DTD1: variants seen among roughly 807,000 people sequenced by gnomAD.
DTD1 encodes the protein D-aminoacyl-tRNA deacylase 1.
A neutral mutation model predicts 25.6 loss-of-function variants in DTD1; 13 were observed. The observed-to-expected ratio is 0.51, with a 90% confidence interval of 0.33 to 0.81. The LOEUF (loss-of-function observed/expected upper bound fraction) is 0.81, where lower values mean the gene tolerates loss of function less well. Among genes scored for constraint, DTD1 ranks in the 30% least tolerant of loss-of-function variants. The pLI is 0.02. For synonymous variants in DTD1, 110 were observed against 103.6 expected (o/e 1.06, Z -0.37); for missense variants, 193 against 266.4 (o/e 0.72, Z 1.92).
At chr20:18,740,156 T>G (rs1003483284) in intron 4 of DTD1, among the ~76,000 whole-genome samples, 2 of 152,118 alleles carry the variant, frequency 1.3e-5, no homozygotes, top group Non-Finnish European at 2.9e-5. Context: ...TAATTGGGGT[T>G]ACTCCCCATC....
At chr20:18,761,038 C>G (rs372658607) in intron 5 of DTD1, among the ~76,000 whole-genome samples, 3 of 152,144 alleles carry the variant, frequency 2.0e-5, no homozygotes, top group Non-Finnish European at 4.4e-5. Context: ...CAGAGCCATG[C>G]GCGGGATATA....
At chr20:18,668,562 C>T (rs2060940467) in intron 4 of DTD1, among the ~76,000 whole-genome samples, 1 of 152,142 alleles carries the variant, frequency 6.6e-6, no homozygotes, top group African/African-American at 2.4e-5. Flanking sequence ...TTGACCCACA[C>T]CTGTGGCAAG....
At chr20:18,728,781 G>C (rs1035451883) in intron 4 of DTD1, among the ~76,000 whole-genome samples, 2 of 152,186 alleles carry the variant, frequency 1.3e-5, no homozygotes, top group East Asian at 1.9e-4. Flanking sequence ...CCCTGCCTGG[G>C]TCCCCTGGGT....
intron 3 of DTD1, chr20:18,610,929 A>T (rs555045193): frequency 2.3e-4 from 18 of 77,960 alleles, no homozygotes; most frequent in African/African-American, 5.6e-4. Flanking sequence ...AACAAAAAAC[A>T]CCAGAATGTA....
Position 18,649,326 on chromosome 20 carries a change from C to CTTTTTTTTTTTTT in DTD1, c.477+21111_477+21123dup. Among the ~76,000 whole-genome samples, 308 of 57,648 alleles carry CTTTTTTTTTTTTT rather than the reference C, an allele frequency of 5.3e-3. 78 individuals are homozygous for CTTTTTTTTTTTTT. The highest frequency in any genetic ancestry group is 8.0e-3 in the East Asian group (12 of 1,504). 37.8% of individuals were successfully genotyped at this position (57,648 alleles called of 152,430 possible). A position where few individuals can be genotyped will look rare whatever the true frequency, so the allele number is the denominator to read the frequency against. On this transcript the variant is annotated intron_variant, in intron 4 of 5. Transcript: ENST00000377452. Reference sequence around the variant, plus strand: ...TGGGCTTTCTCAGCCATTCATCTTTCTTTTTTTTTTTTTTTTTTTTTTTTT... The same window carrying CTTTTTTTTTTTTT: ...TGGGCTTTCTCAGCCATTCATCTTTCTTTTTTTTTTTTTTTTTTTTTTTTTTTTTTTTTTTTTT...
chr20:18,705,668 G>A (rs888440326), intron 4 of DTD1, among the ~76,000 whole-genome samples: 2 of 152,098 alleles, frequency 1.3e-5, no homozygotes, highest in South Asian at 2.1e-4. Flanking sequence ...TGAGCTGGAC[G>A]GAAGTGATTC....
At chr20:18,758,943 GGATA>G (rs1305183610) in intron 5 of DTD1, among the ~76,000 whole-genome samples, 1 of 152,152 alleles carries the variant, frequency 6.6e-6, no homozygotes, top group African/African-American at 2.4e-5. Context: ...TATATATTTA[GGATA>G]GTTAGCTCTT....
intron 4 of DTD1, among the ~76,000 whole-genome samples, chr20:18,655,778 CT>C (rs1167465540): frequency 1.3e-5 from 2 of 151,194 alleles, no homozygotes; most frequent in Non-Finnish European, 1.5e-5. Context: ...TTTCTTTTTA[CT>C]TTTTTTTTGA....
At chr20:18,728,802 G>T (rs372970632) in intron 4 of DTD1, among the ~76,000 whole-genome samples, 43 of 152,322 alleles carry the variant, frequency 2.8e-4, no homozygotes, top group African/African-American at 8.2e-4. Flanking sequence ...CTGTCTGGTG[G>T]TAGGTGTATT....
chr20:18,751,064 CGT>C (rs144204072), intron 5 of DTD1, among the ~76,000 whole-genome samples: 2,801 of 150,310 alleles, frequency 0.019, 84 homozygotes, highest in African/African-American at 0.063. Flanking sequence ...CTACAGCAGC[CGT>C]GTGTGTGTGT....
At chr20:18,626,313 A>G (rs560899949) in intron 3 of DTD1, among the ~76,000 whole-genome samples, 1 of 152,284 alleles carries the variant, frequency 6.6e-6, no homozygotes, top group South Asian at 2.1e-4. Context: ...GGGCATGGAC[A>G]CCAGTTTTTG....
chr20:18,637,097 T>C (rs2060810393), intron 4 of DTD1, among the ~76,000 whole-genome samples: 1 of 152,222 alleles, frequency 6.6e-6, no homozygotes, highest in Admixed American at 6.5e-5. Context: ...AGTGATCATC[T>C]GCTCCAGGTG....
chr20:18,723,787 T>C (rs1049043020), intron 4 of DTD1, among the ~76,000 whole-genome samples: 3 of 152,256 alleles, frequency 2.0e-5, no homozygotes, highest in African/African-American at 7.2e-5. Context: ...TTAATGATTC[T>C]ATGAGTTCAG....
At chr20:18,627,741 C>T (rs995671367) in intron 3 of DTD1, among the ~76,000 whole-genome samples, 14 of 152,110 alleles carry the variant, frequency 9.2e-5, no homozygotes, top group Non-Finnish European at 1.5e-4. Flanking sequence ...TTGTAACTCT[C>T]ACAATTCATA....
intron 4 of DTD1, among the ~76,000 whole-genome samples, chr20:18,690,819 T>C (rs2061043171): frequency 6.6e-6 from 1 of 152,226 alleles, no homozygotes; most frequent in Non-Finnish European, 1.5e-5. Flanking sequence ...TTGCTTTGGC[T>C]ACTTGGGCTC....
At chr20:18,701,235 G>A (rs2061103321) in intron 4 of DTD1, among the ~76,000 whole-genome samples, 1 of 152,196 alleles carries the variant, frequency 6.6e-6, no homozygotes, top group South Asian at 2.1e-4. Context: ...AGAGACACAG[G>A]TAGCTGGAGG....
chr20:18,722,273 T>G (rs1209242198), intron 4 of DTD1, among the ~76,000 whole-genome samples: 1 of 152,230 alleles, frequency 6.6e-6, no homozygotes, highest in East Asian at 1.9e-4. Context: ...GCCCTGCCCA[T>G]CTGGCGGTAC....
At chr20:18,677,354 A>C (rs2060980342) in intron 4 of DTD1, among the ~76,000 whole-genome samples, 1 of 151,454 alleles carries the variant, frequency 6.6e-6, no homozygotes, top group Non-Finnish European at 1.5e-5. Flanking sequence ...TGCAGCTCTG[A>C]GTTATGTAGG....
intron 3 of DTD1, among the ~76,000 whole-genome samples, chr20:18,608,762 T>C (rs1292056528): frequency 6.6e-6 from 1 of 152,242 alleles, no homozygotes; most frequent in African/African-American, 2.4e-5. Context: ...CTTACCTGTT[T>C]ATTCTTGGGT....
Sources: allele counts gnomAD v4.1 joint callset (sites outside exome capture counted in the v4.1 genomes callset), GRCh38; gene constraint gnomAD v4.1.1; transcripts MANE v1.5; gene names NCBI Gene and HGNC (gene_info 2026-07-23, HGNC 2026-07-21).